CELF2: variants seen among roughly 807,000 people sequenced by gnomAD.
CELF2 encodes CUGBP Elav-like family member 2, also known as CUG triplet repeat RNA-binding protein 2.
In CELF2, 8 loss-of-function variants were observed where a neutral mutation model predicts 62.6. The ratio of observed to expected loss-of-function variants is 0.13; its 90% CI spans 0.07 to 0.23. The LOEUF is 0.23. Among genes scored for constraint, CELF2 ranks in the 10% least tolerant of loss-of-function variants. CELF2 has a pLI of 1.00. For missense variants in CELF2, 333 were observed against 671.0 expected (o/e 0.50, Z 5.56); for synonymous variants, 258 against 250.0 (o/e 1.03, Z -0.30).
intron 1 of CELF2, among the ~76,000 whole-genome samples, chr10:11,163,210 C>G (rs2066125602): frequency 6.6e-6 from 1 of 152,328 alleles, no homozygotes; most frequent in South Asian, 2.1e-4. Context: ...ATGCCACTCC[C>G]TTCTCCATTG....
rs1467255027 is a variant in CELF2 at position 11,165,488 on chromosome 10, A to G, written c.77A>G (p.Asn26Ser). 3.1e-6 allele frequency: 5 copies of G among 1,612,642 alleles called. No individual in the cohort carries two copies. The highest frequency in any genetic ancestry group is 4.2e-6 in the Non-Finnish European group (5 of 1,179,426). ...GCTCCCGGTTCCGTTTTTGACAGTA[A>G]CGGCACAGCCAACAAGATGAACGGA... Reference protein sequence around the residue: ...EGRLLVPDRINGTANKMNGAL... With the variant: ...EGRLLVPDRISGTANKMNGAL... The change falls in exon 2 of 13, where the codon AAC (asparagine) becomes AGC (serine). Residue 26 changes from asparagine (N) to serine (S), a missense_variant and splice_region_variant. By Grantham distance (46) the Asn-to-Ser change is conservative. Around this residue, in one of 3 missense-constraint regions of CELF2, gnomAD observed 45 missense variants for 39.8 expected, o/e 1.13. Transcript: ENST00000633077. This position sits in a 1 kb window ranked among gnomAD's most constrained non-coding sequence, Gnocchi z 7.4.
the CELF2 span, among the ~76,000 whole-genome samples, chr10:10,609,852 T>C: frequency 6.6e-6 from 1 of 152,344 alleles, no homozygotes; most frequent in Non-Finnish European, 1.5e-5. Flanking sequence ...CTGCATCTAC[T>C]TGCCTCACAG....
intron 1 of CELF2, among the ~76,000 whole-genome samples, chr10:11,036,222 G>C (rs1414116552): frequency 6.6e-6 from 1 of 152,192 alleles, no homozygotes; most frequent in East Asian, 1.9e-4. Flanking sequence ...TTTCTCTTCA[G>C]CTTATAGACA....
intron 2 of CELF2, among the ~76,000 whole-genome samples, chr10:11,172,356 G>C (rs2069190471): frequency 6.6e-6 from 1 of 152,198 alleles, no homozygotes; most frequent in Non-Finnish European, 1.5e-5. Flanking sequence ...TCACATCTTT[G>C]TGAAAGGTGG....
At chr10:10,973,366 G>A (rs1339141425) in intron 2 of CELF2, among the ~76,000 whole-genome samples, 6 of 152,050 alleles carry the variant, frequency 3.9e-5, no homozygotes, top group African/African-American at 1.2e-4. Flanking sequence ...AGCACCCCAC[G>A]CCTGACATCC....
chr10:11,318,566 G>A lies in CELF2; in HGVS notation c.1097-2623G>A. ...AGACACAGCCAGCCTCTGTGAAGTG[G>A]AGCCAGGAGAGAAGGATGTGGCTGG... On this transcript the variant is annotated intron_variant, in intron 10 of 12. Coordinates refer to ENST00000633077, the MANE Select transcript of CELF2 (RefSeq NM_001326342.2). This position sits in a 1 kb window ranked among gnomAD's most constrained non-coding sequence, Gnocchi z 5.4. The A allele has an allele frequency of 2.7e-6, 1 of 367,468 alleles. No individual in the cohort carries two copies. The highest frequency in any genetic ancestry group is 5.5e-6 in the Non-Finnish European group (1 of 183,066). The allele number at this position is 367,468 out of a possible 1,614,324, so 22.8% of individuals were successfully genotyped here.
chr10:10,713,816 C>T, the CELF2 span, among the ~76,000 whole-genome samples: 421 of 152,296 alleles, frequency 2.8e-3, no homozygotes, highest in African/African-American at 9.6e-3. Flanking sequence ...AGGTGGATCA[C>T]TTGAGATCAG....
rs1014470079 is a variant in CELF2, at chr10:11,315,930, T to C, written c.1096+1672T>C. ...GGACTTTGATTTGACCGCCTGCCTG[T>C]CCTTGGTCTGCAGAGTAACAGGCCA... On this transcript the variant is annotated intron_variant, in intron 10 of 12. Coordinates refer to ENST00000633077, the MANE Select transcript of CELF2 (RefSeq NM_001326342.2). The surrounding 1 kb of genome is among the most constrained non-coding windows in gnomAD (Gnocchi z 5.8). 6.6e-6 allele frequency among the ~76,000 whole-genome samples: 1 copy of C among 152,264 alleles called. No homozygotes were observed. Among genetic ancestry groups the C allele is most frequent in the Non-Finnish European group, 1.5e-5 (1 of 68,038 alleles).
intron 1 of CELF2, among the ~76,000 whole-genome samples, chr10:10,836,835 C>A (rs2058328930): frequency 6.6e-6 from 1 of 152,112 alleles, no homozygotes; most frequent in Non-Finnish European, 1.5e-5. Context: ...TGGGGTTTCA[C>A]CGCGTTAGCC....
chr10:10,732,556 C>G, the CELF2 span, among the ~76,000 whole-genome samples: 1 of 140,430 alleles, frequency 7.1e-6, no homozygotes, highest in African/African-American at 2.6e-5. Context: ...CAAAGTCTCA[C>G]TCTGTTGCCC....
At chr10:10,464,473 C>T in the CELF2 span, among the ~76,000 whole-genome samples, 4 of 151,994 alleles carry the variant, frequency 2.6e-5, no homozygotes, top group Non-Finnish European at 5.9e-5. Context: ...TTTTATCATT[C>T]TATTCTCAAA....
At chr10:10,533,034 T>C in the CELF2 span, among the ~76,000 whole-genome samples, 3 of 152,152 alleles carry the variant, frequency 2.0e-5, no homozygotes, top group Non-Finnish European at 2.9e-5. Flanking sequence ...TTTAAATCCA[T>C]CTTATTTCAG....
chr10:10,870,942 C>T (rs929658263), intron 1 of CELF2, among the ~76,000 whole-genome samples: 1 of 152,166 alleles, frequency 6.6e-6, no homozygotes, highest in African/African-American at 2.4e-5. Context: ...AACGCAGTGG[C>T]CCGAAGTAGA....
At position 10,956,149 on chromosome 10, in the gene CELF2, T is replaced by C. The variant is rs372188502; in HGVS notation, c.89+36150T>C. ...TTTATAGCAACATCCTTCTTCTGTT[T>C]CTCCTCTAAGTTTGATGGGGAGCTT... On this transcript the variant is annotated intron_variant, in intron 2 of 13. Transcript: ENST00000636488. Among the ~76,000 whole-genome samples the C allele has an allele frequency of 2.4e-4, 36 of 152,314 alleles. No individual in the cohort carries two copies. In the South Asian group the frequency reaches 7.3e-3, roughly 31 times the overall value.
intron 4 of CELF2, among the ~76,000 whole-genome samples, chr10:11,252,226 C>T (rs1483151971): frequency 2.0e-5 from 3 of 152,172 alleles, no homozygotes; most frequent in African/African-American, 7.2e-5. Flanking sequence ...TTTCACATGG[C>T]ATTTTTGACA....
chr10:10,798,897 A>G (rs377764568), intron 1 of CELF2: 23 of 398,724 alleles, frequency 5.8e-5, no homozygotes, highest in African/African-American at 4.1e-4. Flanking sequence ...CCTGTGCAGA[A>G]GTGGTTGGGG....
At chr10:11,188,402 G>C (rs1046942304) in intron 2 of CELF2, among the ~76,000 whole-genome samples, 1 of 152,332 alleles carries the variant, frequency 6.6e-6, no homozygotes, top group Non-Finnish European at 1.5e-5. Flanking sequence ...ACCACGCCCA[G>C]ACTGAAGTAT....
intron 1 of CELF2, among the ~76,000 whole-genome samples, chr10:11,114,238 G>A (rs1172930490): frequency 6.6e-6 from 1 of 152,144 alleles, no homozygotes; most frequent in African/African-American, 2.4e-5. Context: ...ACAATGAAAT[G>A]AGTAATGATC....
intron 9 of CELF2, among the ~76,000 whole-genome samples, chr10:11,308,018 G>T (rs1018428213): frequency 6.6e-6 from 1 of 152,152 alleles, no homozygotes; most frequent in Non-Finnish European, 1.5e-5. Context: ...CCTGTCTTGT[G>T]TTTTGTGTCT....
Sources: gnomAD v4.1 joint callset for allele counts (sites outside exome capture counted in the v4.1 genomes callset) on GRCh38, gnomAD v4.1.1 for gene constraint, gnomAD v4.1.1 regional missense constraint, Gnocchi (gnomAD v3.1) non-coding constraint, MANE v1.5 for transcripts, NCBI Gene and HGNC (gene_info 2026-07-23, HGNC 2026-07-21) for gene names.